The following TRIM49B variants were observed in gnomAD, a reference collection of about 807,000 sequenced individuals.
TRIM49B encodes tripartite motif containing 49B, also known as putative tripartite motif-containing protein 49B.
A neutral mutation model predicts 31.8 loss-of-function variants in TRIM49B; 18 were observed. That is an observed-to-expected ratio of 0.57 (90% CI 0.39 to 0.84). The LOEUF (loss-of-function observed/expected upper bound fraction) is 0.84. Among genes scored for constraint, TRIM49B ranks in the 40% least tolerant of loss-of-function variants. The pLI, the probability that TRIM49B is intolerant of heterozygous loss-of-function variation, is 0.00. For missense variants in TRIM49B, 494 were observed against 538.7 expected, an observed-to-expected ratio of 0.92 and a Z score of 0.82; for synonymous variants, 196 against 180.6, an observed-to-expected ratio of 1.09 and a Z score of -0.68.
In TRIM49B at chr11:49,038,020, C is replaced by T. The variant is rs1212085013; in HGVS notation, c.*43C>T. The T allele has an allele frequency of 6.3e-7, 1 of 1,579,780 alleles. No homozygotes were observed. The highest frequency in any genetic ancestry group is 1.4e-5 in the African/African-American group (1 of 73,486). On this transcript the variant is annotated 3_prime_UTR_variant, in exon 7 of 7. Coordinates refer to ENST00000332682, the MANE Select transcript of TRIM49B (RefSeq NM_001206626.2). ...ATGTGTTCACATGCTGTGGGAACCC[C>T]TTTATCCCAGGAAGTCCTCTTCCTT... is the stretch of plus-strand genomic sequence containing the variant.
intron 3 of TRIM49B, 50 bp downstream of exon 3, chr11:49,032,421 G>A: frequency 6.2e-7 from 1 of 1,610,036 alleles, no homozygotes; most frequent in Non-Finnish European, 8.5e-7. Flanking sequence ...GTGGGCAAAT[G>A]GGTGACTCTT....
At chr11:49,032,694 A>G (rs1854469815) in intron 3 of TRIM49B, among the ~76,000 whole-genome samples, 1 of 151,968 alleles carries the variant, frequency 6.6e-6, no homozygotes. Context: ...GATAAATGTT[A>G]GGCAAAAGGG....
rs1038183268 is a variant in TRIM49B, at chr11:49,031,666, A to G, written c.67A>G (p.Ile23Val). The G allele has an allele frequency of 2.5e-6, 4 of 1,613,840 alleles. No individual in the cohort carries two copies. The highest frequency in any genetic ancestry group is 2.7e-5 in the African/African-American group (2 of 74,920). ...CTGCCCCATCTGCATGAACTACTTC[A>G]TAGACCCGGTCACCATAGACTGTGG... The part of the protein sequence containing the change: ...LICPICMNYF[I>V]DPVTIDCGHS... The change falls in exon 2 of 7, where the codon ATA becomes GTA. Residue 23 changes from isoleucine (I) to valine (V), a missense_variant. Transcript: ENST00000332682.
intron 1 of TRIM49B, among the ~76,000 whole-genome samples, chr11:49,029,303 G>A (rs776078734): frequency 1.6e-4 from 24 of 152,138 alleles, no homozygotes; most frequent in Non-Finnish European, 3.1e-4. Flanking sequence ...AAATTGAATT[G>A]AGAAGGCATT....
intron 5 of TRIM49B, among the ~76,000 whole-genome samples, chr11:49,036,080 C>CAAA (rs10700622): frequency 1.9e-4 from 28 of 150,062 alleles, no homozygotes; most frequent in African/African-American, 3.7e-4. Flanking sequence ...ACATTTGGGG[C>CAAA]AAAAAAAAAG....
chr11:49,031,562 G>T (rs1325359080), intron 1 of TRIM49B, 34 bp from the exon 2 acceptor site: 3 of 1,608,696 alleles, frequency 1.9e-6, no homozygotes, highest in Middle Eastern at 1.9e-4. Flanking sequence ...ATCAACCCAG[G>T]CCCCAAAATG....
chr11:49,035,118 G>T lies in TRIM49B; in HGVS notation c.761+1G>T. 2 of 1,605,674 alleles carry T rather than the reference G, an allele frequency of 1.2e-6. No individual in the cohort carries two copies. Among genetic ancestry groups the T allele is most frequent in the Middle Eastern group, 1.7e-4 (1 of 6,022 alleles). ...AGGCTTTTGGAGACATATTACACAG[G>T]TGAGTGTGTACCTAGATTTTAGCAT... On this transcript the variant is annotated splice_donor_variant, in intron 5 of 6. Coordinates refer to ENST00000332682, the MANE Select transcript of TRIM49B (RefSeq NM_001206626.2). LOFTEE classifies it high-confidence loss of function.
intron 1 of TRIM49B, among the ~76,000 whole-genome samples, chr11:49,030,336 CA>C (rs1195586425): frequency 4.3e-5 from 4 of 93,566 alleles, no homozygotes; most frequent in Non-Finnish European, 8.9e-5. Context: ...TACTCTGTCT[CA>C]AAAAAAAGAA....
In TRIM49B at chr11:49,037,935, C is replaced by T. The variant is rs201950205; in HGVS notation, c.1317C>T (p.Phe439=). Residue 439 remains phenylalanine (F), a synonymous_variant, in exon 7 of 7, where the codon TTC becomes TTT. Coordinates refer to ENST00000332682, the MANE Select transcript of TRIM49B (RefSeq NM_001206626.2). The stretch of plus-strand genomic sequence containing the variant: ...TATACACCATCCCTAATTGCTCTTT[C>T]TCACCTCCTCTCAGGCCTATCTTTT... ...SLIYTIPNCS[F]SPPLRPIFCC... is the part of the protein sequence containing the mutation. 403 of 1,612,840 alleles carry T rather than the reference C, an allele frequency of 2.5e-4. 4 individuals are homozygous for T. Among genetic ancestry groups the T allele is most frequent in the South Asian group, 1.6e-3 (143 of 91,014 alleles).
In TRIM49B at chr11:49,036,641, A is replaced by G. The variant is rs557763208; in HGVS notation, c.859+243A>G. ...ATATGTACTGAGTTATATAATAGGA[A>G]AAAGGAGTAGTGTAGAAAATTTAAA... On this transcript the variant is annotated intron_variant, in intron 6 of 6. Coordinates refer to ENST00000332682, the MANE Select transcript of TRIM49B (RefSeq NM_001206626.2). 1.7e-4 allele frequency among the ~76,000 whole-genome samples: 26 copies of G among 152,324 alleles called. No homozygotes were observed. The East Asian group carries it at 3.7e-3, about 21-fold the overall frequency.
chr11:49,032,692 T>C (rs2727044), intron 3 of TRIM49B, among the ~76,000 whole-genome samples: 123,048 of 151,358 alleles, frequency 0.81, 50,384 homozygotes, highest in African/African-American at 0.86. Flanking sequence ...TGGATAAATG[T>C]TAGGCAAAAG....
At position 49,034,376 on chromosome 11, in the gene TRIM49B, G is replaced by T; in HGVS notation, c.738G>T (p.Gln246His). Residue 246 changes from glutamine to histidine, a missense_variant and splice_region_variant, in exon 4 of 7, where the codon CAG becomes CAT. Physicochemically the swap from Gln to His is conservative, Grantham distance 24 (BLOSUM62 0). Transcript: ENST00000332682. ...ATAAACCAGATGTGGAGCTACTTCA[G>T]GTACAAACTCGCCATGTGGTTTCAG... ...MCHKPDVELL[Q>H]AFGDILHRSE... 1 of 1,611,934 alleles carries T rather than the reference G, an allele frequency of 6.2e-7. No individual in the cohort carries two copies. The highest frequency in any genetic ancestry group is 8.5e-7 in the Non-Finnish European group (1 of 1,179,816).
At position 49,034,224 on chromosome 11, in the gene TRIM49B, C is replaced by A; in HGVS notation, c.586C>A (p.His196Asn). The change falls in exon 4 of 7, where the codon CAT becomes AAT. Residue 196 changes from histidine (H) to asparagine (N), a missense_variant. This residue lies in a region of TRIM49B where 251 missense variants were observed against 232.8 expected (regional missense o/e 1.08). Transcript: ENST00000332682. ...MPAFHHEEEK[H>N]NLEMLKKKGK... Reference sequence around the variant, plus strand: ...TGCATTTCACCATGAAGAAGAAAAACATAATTTGGAGATGCTGAAAAAGAA... The same window carrying A: ...TGCATTTCACCATGAAGAAGAAAAAAATAATTTGGAGATGCTGAAAAAGAA... The A allele has an allele frequency of 6.2e-7, 1 of 1,611,874 alleles. No individual in the cohort carries two copies. The highest frequency in any genetic ancestry group is 8.5e-7 in the Non-Finnish European group (1 of 1,179,820).
Position 49,031,703 on chromosome 11 carries a change from G to T in TRIM49B, c.104G>T (p.Cys35Phe), listed in dbSNP as rs773713079. Residue 35 changes from cysteine (C) to phenylalanine (F), a missense_variant, in exon 2 of 7, where the codon TGC becomes TTC. Cys to Phe is a radical substitution (Grantham distance 205). Transcript: ENST00000332682. The stretch of plus-strand genomic sequence containing the variant: ...ACCATAGACTGTGGGCACAGCTTTT[G>T]CAGGCCTTGTTTCTACCTCAACTGG... ...PVTIDCGHSF[C>F]RPCFYLNWKD... 50 of 1,613,820 alleles carry T rather than the reference G, an allele frequency of 3.1e-5. No homozygotes were observed. Among genetic ancestry groups the T allele is most frequent in the South Asian group, 1.2e-4 (11 of 91,076 alleles).
intron 4 of TRIM49B, 61 bp from the exon 5 acceptor site, chr11:49,035,034 A>G (rs1234833891): frequency 6.2e-7 from 1 of 1,602,596 alleles, no homozygotes; most frequent in African/African-American, 1.3e-5. Context: ...CTCACACTGA[A>G]CTTAGTGAAA....
rs774590120 is a variant in TRIM49B at position 49,031,925 on chromosome 11, G to A, written c.326G>A (p.Ser109Asn). The A allele has an allele frequency of 3.7e-6, 6 of 1,612,158 alleles. No homozygotes were observed. The South Asian group carries it at 6.6e-5, about 18-fold the overall frequency. ...TKKMFCEVDR[S>N]LLCLLCSSSQ... ...AAGATGTTCTGTGAAGTGGACAGGAGCCTGCTCTGTTTGCTGTGCTCCAGC... is the reference window on the plus strand; with the variant it reads ...AAGATGTTCTGTGAAGTGGACAGGAACCTGCTCTGTTTGCTGTGCTCCAGC... The change falls in exon 2 of 7, where the codon AGC becomes AAC. Residue 109 changes from serine to asparagine, a missense_variant. Transcript: ENST00000332682.
At chr11:49,031,365 C>CAGG (rs1186991028) in intron 1 of TRIM49B, among the ~76,000 whole-genome samples, 20 of 152,152 alleles carry the variant, frequency 1.3e-4, no homozygotes, top group African/African-American at 4.3e-4. Context: ...ATGCTACAGA[C>CAGG]AGGAACTAGG....
chr11:49,035,048 G>A (rs756871578), intron 4 of TRIM49B, 47 bp from the exon 5 acceptor site: 2 of 1,590,238 alleles, frequency 1.3e-6, no homozygotes, highest in Non-Finnish European at 8.6e-7. Context: ...AGTGAAAGAT[G>A]CATCTTGTGA....
intron 6 of TRIM49B, 75 bp downstream of exon 6, chr11:49,036,473 A>ACC: frequency 1.2e-6 from 1 of 842,492 alleles, no homozygotes; most frequent in Non-Finnish European, 1.8e-6. Context: ...GTAATATTTC[A>ACC]TATTTTATCA....
Sources: gnomAD v4.1 joint callset for allele counts (sites outside exome capture counted in the v4.1 genomes callset) on GRCh38, gnomAD v4.1.1 for gene constraint, gnomAD v4.1.1 regional missense constraint, MANE v1.5 for transcripts, NCBI Gene and HGNC (gene_info 2026-07-23, HGNC 2026-07-21) for gene names.